The following PCDHGA3 variants were observed in gnomAD, a reference collection of about 807,000 sequenced individuals.
The protein encoded by PCDHGA3 is protocadherin gamma subfamily A, 3, also known as protocadherin gamma-A3.
Under a neutral mutation model 58.5 loss-of-function variants are expected in PCDHGA3, and 40 were observed. That is an observed-to-expected ratio of 0.68 (90% confidence interval 0.53 to 0.89). The LOEUF is 0.89. Among genes scored for constraint, PCDHGA3 ranks in the 40% least tolerant of loss-of-function variants. The pLI is 0.00. For synonymous variants in PCDHGA3, 530 were observed against 525.7 expected, an observed-to-expected ratio of 1.01 and a Z score of -0.11; for missense variants, 1,223 against 1,195.9, an observed-to-expected ratio of 1.02 and a Z score of -0.33.
rs181587578 is a variant in PCDHGA3, at chr5:141,366,566, G to T, written c.2424+20109G>T. 1.9e-6 allele frequency: 3 copies of T among 1,614,254 alleles called. No homozygotes were observed. The East Asian group carries it at 6.7e-5, about 36-fold the overall frequency. ...CTCGCACTTTGTGGGCGTGGATGGG[G>T]TTCGGGCTTTCCTGCAGACCTATTC... On this transcript the variant is annotated intron_variant, in intron 1 of 3. Coordinates refer to ENST00000253812, the MANE Select transcript of PCDHGA3 (RefSeq NM_018916.4).
intron 1 of PCDHGA3, chr5:141,394,374 G>A: frequency 1.2e-6 from 2 of 1,614,172 alleles, no homozygotes; most frequent in South Asian, 1.1e-5. Flanking sequence ...GCAATCTTTC[G>A]ACTATGAGCA....
At chr5:141,444,473 G>C (rs943971075) in intron 1 of PCDHGA3, among the ~76,000 whole-genome samples, 6 of 151,972 alleles carry the variant, frequency 3.9e-5, no homozygotes, top group South Asian at 2.1e-4. Flanking sequence ...GCCCGGTCGC[G>C]TACTGGATTT....
intron 1 of PCDHGA3, chr5:141,408,742 A>G: frequency 6.2e-7 from 1 of 1,610,074 alleles, no homozygotes; most frequent in Non-Finnish European, 8.5e-7. Flanking sequence ...ATTTTTCATT[A>G]ATGGTTAGAG....
intron 1 of PCDHGA3, among the ~76,000 whole-genome samples, chr5:141,437,987 C>T (rs2097922147): frequency 1.3e-5 from 2 of 152,156 alleles, no homozygotes; most frequent in African/African-American, 2.4e-5. Flanking sequence ...GCACCCACCC[C>T]ACCTCAGCCT....
chr5:141,450,491 G>C (rs1264524088), intron 1 of PCDHGA3, among the ~76,000 whole-genome samples: 1 of 151,896 alleles, frequency 6.6e-6, no homozygotes, highest in Non-Finnish European at 1.5e-5. Context: ...TTGTTTGTCT[G>C]TTTGTTTGTT....
rs1335023784 is a variant in PCDHGA3 at position 141,490,877 on chromosome 5, C to CCAA, written c.2425-3927_2425-3925dup. 2.5e-6 allele frequency: 4 copies of CCAA among 1,613,762 alleles called. No homozygotes were observed. Among genetic ancestry groups the CCAA allele is most frequent in the Non-Finnish European group, 3.4e-6 (4 of 1,179,908 alleles). On this transcript the variant is annotated intron_variant, in intron 1 of 3. Transcript: ENST00000253812. This position sits in a 1 kb window ranked among gnomAD's most constrained non-coding sequence, Gnocchi z 5.4. ...GACTCCGGCTCTCCCCCATTGCATG[C>CCAA]CAACACATCTCTGCATGTGTTTGTC...
chr5:141,427,825 C>A (rs1342117815), intron 1 of PCDHGA3: 1 of 1,536,464 alleles, frequency 6.5e-7, no homozygotes, highest in Non-Finnish European at 8.9e-7. Flanking sequence ...GTGGTGGTCG[C>A]GCAGCGTGCC....
chr5:141,343,858 A>G lies in PCDHGA3; in HGVS notation c.-176A>G. On this transcript the variant is annotated 5_prime_UTR_variant, in exon 1 of 4. Coordinates refer to ENST00000253812, the MANE Select transcript of PCDHGA3 (RefSeq NM_018916.4). ...TTTCCTTGCTCCTAAAATGCAAAGA[A>G]CCAGCAAATCAGACTCAGAAGATCC... 1 of 552,346 alleles carries G rather than the reference A, an allele frequency of 1.8e-6. No homozygotes were observed. Among genetic ancestry groups the G allele is most frequent in the Non-Finnish European group, 3.1e-6 (1 of 320,794 alleles). The allele number at this position is 552,346 out of a possible 1,614,324, so 34.2% of individuals were successfully genotyped here.
In PCDHGA3 at chr5:141,357,058, G is replaced by A. The variant is rs1167854077; in HGVS notation, c.2424+10601G>A. 1 of 1,613,998 alleles carries A rather than the reference G, an allele frequency of 6.2e-7. No homozygotes were observed. The highest frequency in any genetic ancestry group is 1.7e-5 in the Admixed American group (1 of 60,028). On this transcript the variant is annotated intron_variant, in intron 1 of 3. Transcript: ENST00000253812. ...CAGCGAGCCGGGACTATTTGCAGTGGGGCTGCACACAGGCGAGGTGCGCAC... is the reference window on the plus strand; with the variant it reads ...CAGCGAGCCGGGACTATTTGCAGTGAGGCTGCACACAGGCGAGGTGCGCAC...
chr5:141,380,674 T>G (rs1293551834), intron 1 of PCDHGA3, among the ~76,000 whole-genome samples: 1 of 152,262 alleles, frequency 6.6e-6, no homozygotes, highest in South Asian at 2.1e-4. Flanking sequence ...CCATAGGGTA[T>G]GTATGCTTTG....
chr5:141,360,729 C>G (rs767195567), intron 1 of PCDHGA3: 21 of 1,613,886 alleles, frequency 1.3e-5, no homozygotes, highest in Admixed American at 1.7e-5. Context: ...TTCTAAAACA[C>G]TCTCTGGACA....
chr5:141,360,965 T>C lies in PCDHGA3; in HGVS notation c.2424+14508T>C, dbSNP rs780001160. 1.4e-5 allele frequency: 23 copies of C among 1,613,904 alleles called. 1 individual carries two copies. The highest frequency in any genetic ancestry group is 1.3e-4 in the South Asian group (12 of 91,086). ...CGGGATGAAGGCATAAACGCAGAGA[T>C]CACCTACTCCTTTCATAATGTGGAC... On this transcript the variant is annotated intron_variant, in intron 1 of 3. Coordinates refer to ENST00000253812, the MANE Select transcript of PCDHGA3 (RefSeq NM_018916.4).
chr5:141,414,519 T>C (rs754685087), intron 1 of PCDHGA3: 6 of 1,613,856 alleles, frequency 3.7e-6, no homozygotes, highest in Non-Finnish European at 5.1e-6. Context: ...AAGTGGCAGA[T>C]ATCAATGACA....
intron 1 of PCDHGA3, among the ~76,000 whole-genome samples, chr5:141,483,832 G>A (rs994540286): frequency 2.0e-5 from 3 of 152,134 alleles, no homozygotes; most frequent in African/African-American, 7.2e-5. Context: ...ACCTAGGTAA[G>A]GACTTGGTTG....
At position 141,489,635 on chromosome 5, in the gene PCDHGA3, G is replaced by A. The variant is rs1380466520; in HGVS notation, c.2425-5172G>A. On this transcript the variant is annotated intron_variant, in intron 1 of 3. Coordinates refer to ENST00000253812, the MANE Select transcript of PCDHGA3 (RefSeq NM_018916.4). The surrounding 1 kb of genome is among the most constrained non-coding windows in gnomAD (Gnocchi z 4.5). Reference sequence around the variant, plus strand: ...CTGGATCTCAATGACAACTCTCCTAGCTTTGCCACCCCTGAGCGAGAGATG... The same window carrying A: ...CTGGATCTCAATGACAACTCTCCTAACTTTGCCACCCCTGAGCGAGAGATG... 6.2e-7 allele frequency: 1 copy of A among 1,614,142 alleles called. No individual in the cohort carries two copies. The highest frequency in any genetic ancestry group is 8.5e-7 in the Non-Finnish European group (1 of 1,180,012).
In PCDHGA3 at chr5:141,345,115, C is replaced by T; in HGVS notation, c.1082C>T (p.Thr361Ile). Residue 361 changes from threonine (T) to isoleucine (I), a missense_variant, in exon 1 of 4, where the codon ACC becomes ATC. Thr to Ile is a moderately conservative substitution (Grantham distance 89, BLOSUM62 -1). Coordinates refer to ENST00000253812, the MANE Select transcript of PCDHGA3 (RefSeq NM_018916.4). ...SLTSSVPEEG[T>I]VGREIALIDV... is the part of the protein sequence containing the mutation. The stretch of plus-strand genomic sequence containing the variant: ...ACAAGCTCAGTCCCAGAAGAGGGCA[C>T]CGTTGGAAGAGAAATTGCTCTTATC... 6.2e-7 allele frequency: 1 copy of T among 1,613,908 alleles called. No individual in the cohort carries two copies. The highest frequency in any genetic ancestry group is 1.1e-5 in the South Asian group (1 of 91,082).
intron 1 of PCDHGA3, among the ~76,000 whole-genome samples, chr5:141,437,980 C>T (rs1198278358): frequency 1.3e-5 from 2 of 152,050 alleles, no homozygotes; most frequent in Non-Finnish European, 2.9e-5. Flanking sequence ...TTGGGATGCA[C>T]CCACCCCACC....
At chr5:141,383,926 A>T in intron 1 of PCDHGA3, 1 of 1,613,888 alleles carries the variant, frequency 6.2e-7, no homozygotes. Flanking sequence ...TGTAAATGAT[A>T]ATGCTCCAGA....
In PCDHGA3 at chr5:141,413,348, T is replaced by C. The variant is rs1217580039; in HGVS notation, c.2424+66891T>C. On this transcript the variant is annotated intron_variant, in intron 1 of 3. Transcript: ENST00000253812. The stretch of plus-strand genomic sequence containing the variant: ...GGCAACATCTCCAAGGACTTGGGTC[T>C]GGCGCCCCGGGAGCTGGCGGAGCGC... The C allele has an allele frequency of 1.9e-6, 3 of 1,613,872 alleles. No homozygotes were observed. In the Admixed American group the frequency reaches 5.0e-5, roughly 27 times the overall value.
Sources: allele counts gnomAD v4.1 joint callset (sites outside exome capture counted in the v4.1 genomes callset), GRCh38; gene constraint gnomAD v4.1.1; non-coding constraint Gnocchi (gnomAD v3.1); transcripts MANE v1.5; gene names NCBI Gene and HGNC (gene_info 2026-07-23, HGNC 2026-07-21).